The following KCNIP4 variants were observed in gnomAD, a reference collection of about 807,000 sequenced individuals.
The protein encoded by KCNIP4 is Kv channel-interacting protein 4.
In KCNIP4, 12 loss-of-function variants were observed where a neutral mutation model predicts 34.0. That is an observed-to-expected ratio of 0.35 (90% CI 0.23 to 0.57). The LOEUF is 0.57. Among genes scored for constraint, KCNIP4 ranks in the 20% least tolerant of loss-of-function variants. The probability of loss-of-function intolerance (pLI) is 0.83; values close to 1 mark genes in which losing one functional copy is unlikely to be tolerated. For synonymous variants in KCNIP4, 124 were observed against 102.2 expected, an observed-to-expected ratio of 1.21 and a Z score of -1.29; for missense variants, 238 against 311.7, an observed-to-expected ratio of 0.76 and a Z score of 1.78.
At chr4:21,821,693 G>A (rs1178240857) in intron 1 of KCNIP4, among the ~76,000 whole-genome samples, 2 of 152,108 alleles carry the variant, frequency 1.3e-5, no homozygotes, top group African/African-American at 4.8e-5. Context: ...AATCATCACA[G>A]CCTCATTATT....
chr4:20,987,416 G>T (rs112797602), intron 1 of KCNIP4, among the ~76,000 whole-genome samples: 1 of 150,886 alleles, frequency 6.6e-6, no homozygotes, highest in African/African-American at 2.4e-5. Flanking sequence ...TACCAAAGAA[G>T]GGAATACCAA....
intron 3 of KCNIP4, among the ~76,000 whole-genome samples, chr4:20,775,479 T>C (rs1474217992): frequency 1.3e-5 from 2 of 149,304 alleles, no homozygotes; most frequent in African/African-American, 2.5e-5. Flanking sequence ...GGCAGGAGGA[T>C]TGCTTGAGGC....
chr4:21,854,076 T>G (rs554962080), intron 1 of KCNIP4, among the ~76,000 whole-genome samples: 1 of 152,196 alleles, frequency 6.6e-6, no homozygotes. Flanking sequence ...ATAGCCCCAA[T>G]AGCACTCTGT....
chr4:21,442,531 T>C (rs566500279), intron 1 of KCNIP4, among the ~76,000 whole-genome samples: 57 of 152,252 alleles, frequency 3.7e-4, no homozygotes, highest in Non-Finnish European at 6.8e-4. Context: ...ATAATGTTAG[T>C]CCATCTGTTA....
intron 1 of KCNIP4, among the ~76,000 whole-genome samples, chr4:20,947,671 A>T (rs190640916): frequency 8.4e-4 from 128 of 152,322 alleles, no homozygotes; most frequent in Non-Finnish European, 1.4e-3. Flanking sequence ...AAGCTCCTTA[A>T]CTTTATTTTG....
intron 1 of KCNIP4, among the ~76,000 whole-genome samples, chr4:21,327,038 T>C (rs1715154454): frequency 6.6e-6 from 1 of 152,088 alleles, no homozygotes; most frequent in South Asian, 2.1e-4. Flanking sequence ...TTTGATAGAC[T>C]TATCCTTTAG....
At chr4:21,492,677 C>T (rs189385508) in intron 1 of KCNIP4, among the ~76,000 whole-genome samples, 1 of 152,290 alleles carries the variant, frequency 6.6e-6, no homozygotes, top group Admixed American at 6.5e-5. Flanking sequence ...CTAACTGCTA[C>T]CTTTAAAATT....
At chr4:21,806,012 A>G (rs1721270260) in intron 1 of KCNIP4, among the ~76,000 whole-genome samples, 1 of 152,248 alleles carries the variant, frequency 6.6e-6, no homozygotes, top group Admixed American at 6.5e-5. Flanking sequence ...AGATGGACAC[A>G]TCAATTGTAT....
chr4:21,008,138 G>T (rs1184893233), intron 1 of KCNIP4, among the ~76,000 whole-genome samples: 3 of 152,216 alleles, frequency 2.0e-5, no homozygotes, highest in African/African-American at 7.2e-5. Flanking sequence ...AGAGAAATCT[G>T]TTGATTTTTT....
intron 1 of KCNIP4, among the ~76,000 whole-genome samples, chr4:21,410,615 G>A (rs1417524797): frequency 6.6e-6 from 1 of 152,132 alleles, no homozygotes; most frequent in Non-Finnish European, 1.5e-5. Flanking sequence ...CCTGTAGGTG[G>A]CAGAAGCTTG....
intron 2 of KCNIP4, among the ~76,000 whole-genome samples, chr4:20,867,013 C>A (rs2149504122): frequency 6.6e-6 from 1 of 152,064 alleles, no homozygotes; most frequent in Admixed American, 6.6e-5. Context: ...CAAAGTGACA[C>A]AAATAAATGG....
intron 1 of KCNIP4, among the ~76,000 whole-genome samples, chr4:21,075,815 C>T (rs183126715): frequency 1.1e-4 from 16 of 152,112 alleles, no homozygotes; most frequent in African/African-American, 3.6e-4. Context: ...TCCTTCAGGC[C>T]TCTTTTAGGG....
At chr4:21,551,558 G>A (rs1305353735) in intron 1 of KCNIP4, among the ~76,000 whole-genome samples, 1 of 152,082 alleles carries the variant, frequency 6.6e-6, no homozygotes, top group Admixed American at 6.6e-5. Flanking sequence ...TTGACAGCCT[G>A]ATAAAAAATT....
chr4:20,924,560 T>C (rs1729716713), intron 1 of KCNIP4, among the ~76,000 whole-genome samples: 1 of 152,156 alleles, frequency 6.6e-6, no homozygotes, highest in African/African-American at 2.4e-5. Context: ...GCCCGGAACA[T>C]AGTCAAAAAT....
chr4:21,048,840 C>T (rs1231035723), intron 1 of KCNIP4, among the ~76,000 whole-genome samples: 2 of 151,838 alleles, frequency 1.3e-5, no homozygotes, highest in Non-Finnish European at 2.9e-5. Flanking sequence ...TGGGGCCTAT[C>T]CTGAGTCCAG....
At chr4:21,731,080 C>A (rs1715558713) in intron 1 of KCNIP4, among the ~76,000 whole-genome samples, 1 of 149,042 alleles carries the variant, frequency 6.7e-6, no homozygotes, top group South Asian at 2.1e-4. Flanking sequence ...TGCCACTGCA[C>A]TCCAGCCTGG....
At chr4:21,174,672 G>A (rs1287592767) in intron 1 of KCNIP4, among the ~76,000 whole-genome samples, 1 of 151,980 alleles carries the variant, frequency 6.6e-6, no homozygotes, top group East Asian at 1.9e-4. Context: ...GGCCGAGGTG[G>A]GCAGATCACC....
chr4:21,385,374 G>A lies in KCNIP4; in HGVS notation c.62-502665C>T, dbSNP rs577411491. 5.3e-5 allele frequency among the ~76,000 whole-genome samples: 8 copies of A among 152,240 alleles called. No individual in the cohort carries two copies. The South Asian group carries it at 1.2e-3, about 24-fold the overall frequency. On this transcript the variant is annotated intron_variant, in intron 1 of 8. Coordinates refer to ENST00000382152, the MANE Select transcript of KCNIP4 (RefSeq NM_025221.6). ...ACACAAGACTCTAAGGCTCTACAAA[G>A]GGTTCTGGGCCTAGCAGAAAATAAG...
intron 1 of KCNIP4, among the ~76,000 whole-genome samples, chr4:21,166,938 CAAAAA>C (rs55649635): frequency 2.7e-5 from 1 of 37,544 alleles, no homozygotes; most frequent in African/African-American, 1.1e-4. Flanking sequence ...CACTCCATCT[CAAAAA>C]AAAAAAAAAA....
Sources: allele counts gnomAD v4.1 joint callset (sites outside exome capture counted in the v4.1 genomes callset), GRCh38; gene constraint gnomAD v4.1.1; transcripts MANE v1.5; gene names NCBI Gene and HGNC (gene_info 2026-07-23, HGNC 2026-07-21).